The following NDUFB7 variants were observed in gnomAD, a reference collection of about 807,000 sequenced individuals.
NDUFB7 encodes NADH:ubiquinone oxidoreductase subunit B7.
In NDUFB7, 18 loss-of-function variants were observed where a neutral mutation model predicts 14.7. The observed-to-expected ratio is 1.22, with a 90% CI of 0.85 to 1.81. NDUFB7 has a LOEUF of 1.81. NDUFB7 is among the 40% of genes most tolerant of loss of function. The pLI is 0.00. For missense variants in NDUFB7, 219 were observed against 195.0 expected, an observed-to-expected ratio of 1.12 and a Z score of -0.73; for synonymous variants, 86 against 76.1, an observed-to-expected ratio of 1.13 and a Z score of -0.68.
chr19:14,571,425 G>A (rs1266000779), intron 1 of NDUFB7, among the ~76,000 whole-genome samples: 1 of 151,846 alleles, frequency 6.6e-6, no homozygotes, highest in South Asian at 2.1e-4. Flanking sequence ...GAGAAACCCC[G>A]TCTCTACTAA....
chr19:14,566,631 G>A (rs1035592664), intron 2 of NDUFB7, 134 bp downstream of exon 2: 47 of 801,820 alleles, frequency 5.9e-5, no homozygotes, highest in Non-Finnish European at 8.7e-5. Flanking sequence ...GCAGGCTGTG[G>A]GTGTTGGCGG....
chr19:14,571,807 C>G (rs1432295445), intron 1 of NDUFB7, 82 bp downstream of exon 1: 1 of 1,331,086 alleles, frequency 7.5e-7, no homozygotes, highest in East Asian at 2.5e-5. Flanking sequence ...GAGCCCAGCC[C>G]TGGGGTGCCA....
intron 1 of NDUFB7, among the ~76,000 whole-genome samples, chr19:14,570,044 ACC>A (rs1187276765): frequency 3.3e-5 from 5 of 151,678 alleles, no homozygotes; most frequent in African/African-American, 1.2e-4. Context: ...GGCATGCGCC[ACC>A]ACACCTGGCT....
chr19:14,566,348 C>T (rs2074084581), intron 2 of NDUFB7, 83 bp from the exon 3 acceptor site: 2 of 1,595,898 alleles, frequency 1.3e-6, no homozygotes, highest in Non-Finnish European at 1.7e-6. Flanking sequence ...GGGGCCGTCC[C>T]AGAGCACTGT....
At chr19:14,571,140 G>C (rs929855322) in intron 1 of NDUFB7, among the ~76,000 whole-genome samples, 6 of 151,872 alleles carry the variant, frequency 4.0e-5, no homozygotes, top group African/African-American at 9.7e-5. Flanking sequence ...CTGGGCAACA[G>C]AGCAAGATCC....
intron 1 of NDUFB7, among the ~76,000 whole-genome samples, chr19:14,571,199 A>C (rs2074123130): frequency 1.3e-5 from 2 of 152,168 alleles, no homozygotes; most frequent in African/African-American, 4.8e-5. Flanking sequence ...TTGCAGCTCG[A>C]ATCTTCCTTA....
intron 1 of NDUFB7, among the ~76,000 whole-genome samples, chr19:14,571,011 A>G (rs977982329): frequency 6.6e-6 from 1 of 151,868 alleles, no homozygotes; most frequent in African/African-American, 2.4e-5. Context: ...ATAAAAAATC[A>G]GTCTGGCATC....
At position 14,566,797 on chromosome 19, in the gene NDUFB7, C is replaced by T; in HGVS notation, c.249G>A (p.Glu83=). Residue 83 remains glutamate (E), a synonymous_variant, in exon 2 of 3, where the codon GAG becomes GAA. Coordinates refer to ENST00000215565, the MANE Select transcript of NDUFB7 (RefSeq NM_004146.6). The stretch of plus-strand genomic sequence containing the variant: ...GCTCGCAGTAGTCCCAGTCGTGCCG[C>T]TCCTGCTTGCAGGCCAGGAAGTTGG... ...SFPNFLACKQ[E]RHDWDYCEHR... 6.5e-7 allele frequency: 1 copy of T among 1,546,708 alleles called. No homozygotes were observed. The highest frequency in any genetic ancestry group is 8.7e-7 in the Non-Finnish European group (1 of 1,146,934).
chr19:14,566,123 G>A lies in NDUFB7; in HGVS notation c.*10C>T. On this transcript the variant is annotated 3_prime_UTR_variant, in exon 3 of 3. Coordinates refer to ENST00000215565, the MANE Select transcript of NDUFB7 (RefSeq NM_004146.6). Reference sequence around the variant, plus strand: ...TATTTGACTGGTCCATAGGGTGGGGGGTGCACCCCCTACAGGGCCACCTTG... The same window carrying A: ...TATTTGACTGGTCCATAGGGTGGGGAGTGCACCCCCTACAGGGCCACCTTG... 6.2e-7 allele frequency: 1 copy of A among 1,606,170 alleles called. No homozygotes were observed. The highest frequency in any genetic ancestry group is 8.5e-7 in the Non-Finnish European group (1 of 1,176,304).
Position 14,566,768 on chromosome 19 carries a change from C to T in NDUFB7, c.278G>A (p.Arg93His), listed in dbSNP as rs577914511. The change falls in exon 2 of 3, where the codon CGC becomes CAC. Residue 93 changes from arginine (R) to histidine (H), a missense_variant. Coordinates refer to ENST00000215565, the MANE Select transcript of NDUFB7 (RefSeq NM_004146.6). ...GGGCTGGTGTGGGGGTGCTCACTCGCGGTGCTCGCAGTAGTCCCAGTCGTG... is the reference window on the plus strand; with the variant it reads ...GGGCTGGTGTGGGGGTGCTCACTCGTGGTGCTCGCAGTAGTCCCAGTCGTG... ...ERHDWDYCEH[R>H]DYVMRMKEFE... 4.9e-4 allele frequency: 757 copies of T among 1,543,100 alleles called. 5 individuals carry two copies. The Admixed American group carries it at 0.014, about 28-fold the overall frequency.
chr19:14,571,786 A>G (rs1305388298), intron 1 of NDUFB7, 103 bp downstream of exon 1: 2 of 1,088,412 alleles, frequency 1.8e-6, no homozygotes, highest in African/African-American at 3.2e-5. Context: ...CAGATACAAC[A>G]CCTGAGGTTA....
At position 14,566,260 on chromosome 19, in the gene NDUFB7, A is replaced by C. The variant is rs770490491; in HGVS notation, c.287T>G (p.Val96Gly). Reference sequence around the variant, plus strand: ...CCGCTCAAACTCCTTCATGCGCATCACATAGCTGGGGGAAAAGCACGAGAG... The same window carrying C: ...CCGCTCAAACTCCTTCATGCGCATCCCATAGCTGGGGGAAAAGCACGAGAG... ...DWDYCEHRDY[V>G]MRMKEFERER... Residue 96 changes from valine (V) to glycine (G), a missense_variant, in exon 3 of 3, where the codon GTG becomes GGG. Transcript: ENST00000215565. The C allele has an allele frequency of 6.2e-7, 1 of 1,613,798 alleles. No homozygotes were observed. The highest frequency in any genetic ancestry group is 1.1e-5 in the South Asian group (1 of 91,090).
chr19:14,568,858 G>T (rs79085561), intron 1 of NDUFB7, among the ~76,000 whole-genome samples: 1 of 151,994 alleles, frequency 6.6e-6, no homozygotes. Context: ...GCAACAGAGC[G>T]AGAGCCCATC....
intron 1 of NDUFB7, among the ~76,000 whole-genome samples, chr19:14,569,547 T>C (rs941129423): frequency 2.0e-5 from 3 of 151,902 alleles, no homozygotes; most frequent in African/African-American, 7.3e-5. Context: ...TTATCCAGAG[T>C]AAGCAAGAGA....
At position 14,566,280 on chromosome 19, in the gene NDUFB7, C is replaced by G. The variant is rs199766454; in HGVS notation, c.282-15G>C. On this transcript the variant is annotated splice_polypyrimidine_tract_variant and intron_variant, in intron 2 of 2. Coordinates refer to ENST00000215565, the MANE Select transcript of NDUFB7 (RefSeq NM_004146.6). Reference sequence around the variant, plus strand: ...GCATCACATAGCTGGGGGAAAAGCACGAGAGGGGCTGTCAGGGTCCCTGGC... The same window carrying G: ...GCATCACATAGCTGGGGGAAAAGCAGGAGAGGGGCTGTCAGGGTCCCTGGC... 3.1e-6 allele frequency: 5 copies of G among 1,613,664 alleles called. No homozygotes were observed. The highest frequency in any genetic ancestry group is 2.2e-5 in the South Asian group (2 of 91,088).
intron 1 of NDUFB7, among the ~76,000 whole-genome samples, chr19:14,571,552 C>A (rs1483237286): frequency 6.6e-6 from 1 of 151,908 alleles, no homozygotes; most frequent in Non-Finnish European, 1.5e-5. Context: ...GAATCGAGAC[C>A]AAGCCACTGC....
chr19:14,566,204 G>A lies in NDUFB7; in HGVS notation c.343C>T (p.Arg115Trp), dbSNP rs1403969858. ...GCCAACTCTGCCGCCTTCTTCTCCC[G>A]CCGCTTCTTCCGCTGGAGCAGCCTC... ...ERRLLQRKKR[R>W]EKKAAELAKG... is the part of the protein sequence containing the mutation. The change falls in exon 3 of 3, where the codon CGG becomes TGG. Residue 115 changes from arginine (R) to tryptophan (W), a missense_variant. Physicochemically the swap from Arg to Trp is moderately radical, Grantham distance 101 (BLOSUM62 -3). Coordinates refer to ENST00000215565, the MANE Select transcript of NDUFB7 (RefSeq NM_004146.6). The A allele has an allele frequency of 4.3e-6, 7 of 1,614,026 alleles. No individual in the cohort carries two copies. The highest frequency in any genetic ancestry group is 2.2e-5 in the East Asian group (1 of 44,854).
chr19:14,566,359 G>T (rs1345828108), intron 2 of NDUFB7, 94 bp from the exon 3 acceptor site: 4 of 1,575,400 alleles, frequency 2.5e-6, no homozygotes, highest in African/African-American at 1.3e-5. Context: ...AGAGCACTGT[G>T]GGGGAGGCCT....
chr19:14,568,341 G>A (rs1000560003), intron 1 of NDUFB7, among the ~76,000 whole-genome samples: 1 of 152,118 alleles, frequency 6.6e-6, no homozygotes, highest in Non-Finnish European at 1.5e-5. Flanking sequence ...CACTGTGCCC[G>A]GCCTGAGAGC....
Sources: allele counts gnomAD v4.1 joint callset (sites outside exome capture counted in the v4.1 genomes callset), GRCh38; gene constraint gnomAD v4.1.1; transcripts MANE v1.5; gene names NCBI Gene and HGNC (gene_info 2026-07-23, HGNC 2026-07-21).